The following ST18 variants were observed in gnomAD, a reference collection of about 807,000 sequenced individuals.
The protein encoded by ST18 is ST18 C2H2C-type zinc finger transcription factor, also known as suppression of tumorigenicity 18 protein.
Under a neutral mutation model 110.0 loss-of-function variants are expected in ST18, and 50 were observed. The ratio of observed to expected loss-of-function variants is 0.45; its 90% CI spans 0.36 to 0.58. ST18 has a LOEUF of 0.58. ST18 is among the 20% of genes least tolerant of loss of function. ST18 has a pLI of 0.00. For synonymous variants in ST18, 461 were observed against 452.4 expected, an observed-to-expected ratio of 1.02 and a Z score of -0.24; for missense variants, 1,306 against 1,280.1, an observed-to-expected ratio of 1.02 and a Z score of -0.31.
At chr8:52,251,410 T>C (rs1226125208) in intron 2 of ST18, among the ~76,000 whole-genome samples, 1 of 152,124 alleles carries the variant, frequency 6.6e-6, no homozygotes, top group African/African-American at 2.4e-5. Context: ...GTATACACAC[T>C]GCCTCCCATA....
intron 2 of ST18, among the ~76,000 whole-genome samples, chr8:52,304,637 C>A (rs2095785660): frequency 6.6e-6 from 1 of 152,152 alleles, no homozygotes; most frequent in South Asian, 2.1e-4. Context: ...GGATGATTTT[C>A]TTTTTGCTCT....
intron 2 of ST18, among the ~76,000 whole-genome samples, chr8:52,292,309 G>T (rs2095568383): frequency 1.3e-5 from 2 of 152,132 alleles, no homozygotes; most frequent in African/African-American, 4.8e-5. Flanking sequence ...CTGCTGCTTG[G>T]ACGCCAGATG....
At chr8:52,239,384 A>G (rs1029042171) in intron 2 of ST18, among the ~76,000 whole-genome samples, 1 of 152,194 alleles carries the variant, frequency 6.6e-6, no homozygotes, top group Non-Finnish European at 1.5e-5. Flanking sequence ...TGTTAAGAAA[A>G]CAGGTGAAAC....
intron 8 of ST18, among the ~76,000 whole-genome samples, chr8:52,205,846 G>T (rs1337380734): frequency 6.6e-6 from 1 of 152,174 alleles, no homozygotes; most frequent in Non-Finnish European, 1.5e-5. Context: ...GGGATTACAG[G>T]GATGAGCCAC....
At chr8:52,398,746 C>T (rs1590710092) in intron 2 of ST18, among the ~76,000 whole-genome samples, 1 of 152,060 alleles carries the variant, frequency 6.6e-6, no homozygotes, top group African/African-American at 2.4e-5. Flanking sequence ...TGATGTATCA[C>T]ATTGATTTGT....
intron 2 of ST18, among the ~76,000 whole-genome samples, chr8:52,274,524 T>C (rs2095175401): frequency 7.1e-6 from 1 of 141,214 alleles, no homozygotes; most frequent in African/African-American, 3.2e-5. Context: ...CAGTGGCAAG[T>C]TTCTTTTTTT....
At chr8:52,392,738 C>T (rs1395468005) in intron 2 of ST18, among the ~76,000 whole-genome samples, 2 of 152,328 alleles carry the variant, frequency 1.3e-5, no homozygotes, top group East Asian at 1.9e-4. Context: ...AAAACACCCT[C>T]TAGAGGTTTC....
At chr8:52,244,800 T>G (rs2137859107) in intron 2 of ST18, among the ~76,000 whole-genome samples, 1 of 152,340 alleles carries the variant, frequency 6.6e-6, no homozygotes, top group East Asian at 1.9e-4. Context: ...TATAATTATA[T>G]GCATCAATAA....
At chr8:52,146,414 A>G (rs2057293378) in intron 16 of ST18, among the ~76,000 whole-genome samples, 1 of 151,868 alleles carries the variant, frequency 6.6e-6, no homozygotes, top group African/African-American at 2.4e-5. Context: ...ATAACCCCTA[A>G]GCAGTCTCCA....
intron 2 of ST18, among the ~76,000 whole-genome samples, chr8:52,315,938 C>G (rs1218781017): frequency 6.6e-6 from 1 of 152,116 alleles, no homozygotes; most frequent in South Asian, 2.1e-4. Context: ...TTGACATTAC[C>G]CTGAAACATA....
intron 16 of ST18, among the ~76,000 whole-genome samples, chr8:52,147,571 G>A (rs1003019643): frequency 2.6e-5 from 4 of 151,964 alleles, no homozygotes; most frequent in African/African-American, 7.3e-5. Context: ...GAATACATTC[G>A]CCATAATCAT....
intron 2 of ST18, among the ~76,000 whole-genome samples, chr8:52,324,247 T>C (rs1351919923): frequency 6.6e-6 from 1 of 152,142 alleles, no homozygotes; most frequent in East Asian, 1.9e-4. Context: ...TTACTGTCCT[T>C]AATTGCAAGA....
chr8:52,224,004 G>T (rs62499762), intron 3 of ST18, among the ~76,000 whole-genome samples: 17,612 of 152,128 alleles, frequency 0.12, 1,380 homozygotes, highest in Middle Eastern at 0.21. Flanking sequence ...TATCCCTTGA[G>T]AACCTATCTC....
At chr8:52,401,577 T>C (rs7823559) in intron 2 of ST18, among the ~76,000 whole-genome samples, 6 of 152,126 alleles carry the variant, frequency 3.9e-5, no homozygotes, top group South Asian at 2.1e-4. Context: ...TTCTTCTGCT[T>C]GATCTAGTCT....
intron 8 of ST18, among the ~76,000 whole-genome samples, chr8:52,192,726 A>G (rs1349921451): frequency 7.2e-5 from 11 of 152,226 alleles, no homozygotes; most frequent in Non-Finnish European, 1.5e-4. Context: ...ATTTCCAGTG[A>G]CTACTTAAAG....
At chr8:52,332,061 G>T (rs2140082445) in intron 2 of ST18, among the ~76,000 whole-genome samples, 1 of 151,994 alleles carries the variant, frequency 6.6e-6, no homozygotes, top group East Asian at 1.9e-4. Flanking sequence ...ATGTGTGTAT[G>T]TATATATACA....
At position 52,111,240 on chromosome 8, in the gene ST18, A is replaced by C. The variant is rs2040453432; in HGVS notation, c.*1958T>G. On this transcript the variant is annotated 3_prime_UTR_variant, in exon 26 of 26. Transcript: ENST00000689386. ...ATAAAATATATAACAAACTTGTTAA[A>C]ATATTTAGCAAATTAAACGTTTGTC... is the stretch of plus-strand genomic sequence containing the variant. 1 of 342,784 alleles carries C rather than the reference A, an allele frequency of 2.9e-6. No homozygotes were observed. The allele number at this position is 342,784 out of a possible 1,614,324, so 21.2% of individuals were successfully genotyped here. A position where few individuals can be genotyped will look rare whatever the true frequency, so the allele number is the denominator to read the frequency against.
intron 2 of ST18, among the ~76,000 whole-genome samples, chr8:52,281,913 A>G (rs2095385800): frequency 1.3e-5 from 2 of 152,218 alleles, no homozygotes; most frequent in Admixed American, 1.3e-4. Context: ...AGATGGGTGA[A>G]GGATATAAGA....
chr8:52,233,409 C>G (rs929394261), intron 2 of ST18, among the ~76,000 whole-genome samples: 1 of 151,792 alleles, frequency 6.6e-6, no homozygotes, highest in Admixed American at 6.6e-5. Context: ...GACAAAAACT[C>G]CACCCTAGGA....
Sources: gnomAD v4.1 joint callset for allele counts (sites outside exome capture counted in the v4.1 genomes callset) on GRCh38, gnomAD v4.1.1 for gene constraint, MANE v1.5 for transcripts, NCBI Gene and HGNC (gene_info 2026-07-23, HGNC 2026-07-21) for gene names.